SAMD7: variants seen among roughly 807,000 people sequenced by gnomAD.
The protein encoded by SAMD7 is sterile alpha motif domain containing 7.
Under a neutral mutation model 36.7 loss-of-function variants are expected in SAMD7, and 34 were observed. That is an observed-to-expected ratio of 0.93 (90% CI 0.71 to 1.23). The LOEUF is 1.23. Ranked by LOEUF, SAMD7 falls within the 50% of genes most tolerant of loss-of-function variation. The pLI is 0.00. For synonymous variants in SAMD7, 188 were observed against 189.7 expected (o/e 0.99, Z 0.07); for missense variants, 570 against 546.6 (o/e 1.04, Z -0.43).
chr3:169,927,027 C>G lies in SAMD7; in HGVS notation c.765C>G (p.Leu255=). Residue 255 remains leucine, a synonymous_variant, in exon 6 of 9, where the codon CTC becomes CTG. Coordinates refer to ENST00000335556, the MANE Select transcript of SAMD7 (RefSeq NM_001304366.2). ...CTCTTGCCAACACCTGTGGAGAGCT[C>G]GAGCCCACCCATAGGAAACCCTGGG... ...TTALANTCGE[L]EPTHRKPWGS... is the part of the protein sequence containing the mutation. The G allele has an allele frequency of 6.2e-7, 1 of 1,613,260 alleles. No homozygotes were observed.
At chr3:169,923,859 AG>A (rs1377467773) in intron 4 of SAMD7, among the ~76,000 whole-genome samples, 1 of 152,246 alleles carries the variant, frequency 6.6e-6, no homozygotes, top group Non-Finnish European at 1.5e-5. Flanking sequence ...TTTACAAAAC[AG>A]GGTTGTTAGG....
intron 4 of SAMD7, among the ~76,000 whole-genome samples, chr3:169,923,571 G>C (rs1189980286): frequency 6.6e-6 from 1 of 152,104 alleles, no homozygotes; most frequent in Non-Finnish European, 1.5e-5. Context: ...GTGAAACGCC[G>C]TCTCTACTAA....
chr3:169,927,052 G>C lies in SAMD7; in HGVS notation c.790G>C (p.Gly264Arg). ...ELEPTHRKPW[G>R]SHTTTLKAKA... ...CGAGCCCACCCATAGGAAACCCTGGGGGTCTCACACCACTACCCTGAAAGC... is the reference window on the plus strand; with the variant it reads ...CGAGCCCACCCATAGGAAACCCTGGCGGTCTCACACCACTACCCTGAAAGC... Residue 264 changes from glycine (G) to arginine (R), a missense_variant, in exon 6 of 9, where the codon GGG (glycine) becomes CGG (arginine). Physicochemically the swap from Gly to Arg is moderately radical, Grantham distance 125. Transcript: ENST00000335556. 6.2e-7 allele frequency: 1 copy of C among 1,612,636 alleles called. No individual in the cohort carries two copies.
Position 169,938,483 on chromosome 3 carries a change from G to T in SAMD7, c.1318G>T (p.Glu440Ter). Residue 440 changes from glutamate to a stop codon, truncating the protein, a stop_gained, in exon 9 of 9, where the codon GAG becomes TAG. Coordinates refer to ENST00000335556, the MANE Select transcript of SAMD7 (RefSeq NM_001304366.2). LOFTEE classifies it high-confidence loss of function. ...GGATACAATAATTCCTAAAGGAATT[G>T]AGCGAGGTAGTATGAGAAACTAAAA... ...PQDTIIPKGIERGSMRN is the reference protein window; with the variant it reads ...PQDTIIPKGI 6.2e-7 allele frequency: 1 copy of T among 1,610,192 alleles called. No homozygotes were observed. The highest frequency in any genetic ancestry group is 1.1e-5 in the South Asian group (1 of 90,488).
intron 3 of SAMD7, among the ~76,000 whole-genome samples, chr3:169,919,924 C>A (rs1047885680): frequency 1.3e-5 from 2 of 152,214 alleles, no homozygotes; most frequent in African/African-American, 4.8e-5. Flanking sequence ...CCTGTAATCC[C>A]AGCACTTTGG....
At chr3:169,915,788 G>A (rs1436455588) in intron 2 of SAMD7, among the ~76,000 whole-genome samples, 1 of 151,804 alleles carries the variant, frequency 6.6e-6, no homozygotes, top group Non-Finnish European at 1.5e-5. Flanking sequence ...ATGTTGGCCA[G>A]GCTGGTCTCG....
intron 4 of SAMD7, among the ~76,000 whole-genome samples, chr3:169,923,078 A>G (rs966132128): frequency 6.6e-6 from 1 of 152,158 alleles, no homozygotes; most frequent in Non-Finnish European, 1.5e-5. Context: ...TGTATCTTCT[A>G]TCCCCCCCAA....
At position 169,936,319 on chromosome 3, in the gene SAMD7, C is replaced by T. The variant is rs369230923; in HGVS notation, c.1042-20C>T. On this transcript the variant is annotated intron_variant, in intron 7 of 8. Coordinates refer to ENST00000335556, the MANE Select transcript of SAMD7 (RefSeq NM_001304366.2). ...AAAAAAGACATTCAGACAGAGTTAA[C>T]ACCTTTTGTATTTATGAAGGTATTT... 5.6e-6 allele frequency: 8 copies of T among 1,427,350 alleles called. No homozygotes were observed. The highest frequency in any genetic ancestry group is 7.9e-6 in the Non-Finnish European group (8 of 1,013,376). The allele number at this position is 1,427,350 out of a possible 1,614,324, so 88.4% of individuals were successfully genotyped here.
intron 7 of SAMD7, among the ~76,000 whole-genome samples, chr3:169,935,817 AG>A (rs1713695207): frequency 6.6e-6 from 1 of 152,222 alleles, no homozygotes; most frequent in Non-Finnish European, 1.5e-5. Context: ...CAGGACTAAC[AG>A]ACCTGCTGGA....
chr3:169,925,091 C>T lies in SAMD7; in HGVS notation c.245C>T (p.Ala82Val). The change falls in exon 5 of 9, where the codon GCA becomes GTA. Residue 82 changes from alanine (A) to valine (V), a missense_variant. Physicochemically the swap from Ala to Val is moderately conservative, Grantham distance 64. Coordinates refer to ENST00000335556, the MANE Select transcript of SAMD7 (RefSeq NM_001304366.2). ...WGILPPESIK[A>V]VARRNEMIQR... ...ATTTTACCACCTGAATCCATAAAGG[C>T]AGTGGCCAGAAGGAATGAAATGATT... 1 of 1,611,450 alleles carries T rather than the reference C, an allele frequency of 6.2e-7. No individual in the cohort carries two copies. The highest frequency in any genetic ancestry group is 8.5e-7 in the Non-Finnish European group (1 of 1,178,750).
chr3:169,923,652 G>T (rs1029406779), intron 4 of SAMD7, among the ~76,000 whole-genome samples: 1 of 152,208 alleles, frequency 6.6e-6, no homozygotes, highest in Non-Finnish European at 1.5e-5. Context: ...TGAGGCAGGA[G>T]AATCACTTGA....
rs543314973 is a variant in SAMD7 at position 169,921,036 on chromosome 3, C to T, written c.87-178C>T. On this transcript the variant is annotated intron_variant, in intron 3 of 8. Transcript: ENST00000335556. ...AATCCTTCGTTAGTGGAGTACTTCC[C>T]GATCTTTCCACCATATTTCTCCATA... Among the ~76,000 whole-genome samples, 5 of 152,262 alleles carry T rather than the reference C, an allele frequency of 3.3e-5. No homozygotes were observed. In the South Asian group the frequency reaches 8.3e-4, roughly 25 times the overall value.
At chr3:169,933,793 A>T (rs2108265703) in intron 7 of SAMD7, among the ~76,000 whole-genome samples, 1 of 152,316 alleles carries the variant, frequency 6.6e-6, no homozygotes, top group East Asian at 1.9e-4. Context: ...TGGCACTCAT[A>T]GTCCAGAAGA....
chr3:169,934,878 A>T (rs1713665652), intron 7 of SAMD7, among the ~76,000 whole-genome samples: 1 of 152,196 alleles, frequency 6.6e-6, no homozygotes, highest in Admixed American at 6.5e-5. Context: ...GGCAAAGGTG[A>T]CCTTGAAGGA....
chr3:169,938,248 T>C, intron 8 of SAMD7, 70 bp from the exon 9 acceptor site: 1 of 958,484 alleles, frequency 1.0e-6, no homozygotes. Flanking sequence ...CTCTCTGTGA[T>C]GTGTGTTTAA....
chr3:169,917,983 G>T (rs1712883535), intron 2 of SAMD7, among the ~76,000 whole-genome samples: 2 of 151,416 alleles, frequency 1.3e-5, no homozygotes, highest in South Asian at 2.1e-4. Context: ...TGTCACCCAG[G>T]CTGGGGTGCA....
rs549699062 is a variant in SAMD7 at position 169,927,147 on chromosome 3, G to A, written c.885G>A (p.Gly295=). Residue 295 remains glycine (G), a synonymous_variant, in exon 6 of 9, where the codon GGG becomes GGA. Transcript: ENST00000335556. Reference sequence around the variant, plus strand: ...TTGCAACCTGTGATGAAAAGAATGGGGTTTGCCCTCCAGTTCCTCGACCAT... The same window carrying A: ...TTGCAACCTGTGATGAAAAGAATGGAGTTTGCCCTCCAGTTCCTCGACCAT... ...QIFATCDEKN[G]VCPPVPRPSL... 2 of 1,549,106 alleles carry A rather than the reference G, an allele frequency of 1.3e-6. No individual in the cohort carries two copies. Among genetic ancestry groups the A allele is most frequent in the South Asian group, 1.3e-5 (1 of 79,308 alleles).
chr3:169,924,326 C>G (rs190098925), intron 4 of SAMD7, among the ~76,000 whole-genome samples: 1 of 151,920 alleles, frequency 6.6e-6, no homozygotes, highest in Non-Finnish European at 1.5e-5. Context: ...CAGTGGCTCA[C>G]GCCTGTAATC....
intron 7 of SAMD7, among the ~76,000 whole-genome samples, chr3:169,935,747 T>G (rs1713693004): frequency 6.6e-6 from 1 of 152,184 alleles, no homozygotes; most frequent in South Asian, 2.1e-4. Flanking sequence ...GGAATCTTTG[T>G]CCACCAGCAG....
Sources: gnomAD v4.1 joint callset for allele counts (sites outside exome capture counted in the v4.1 genomes callset) on GRCh38, gnomAD v4.1.1 for gene constraint, MANE v1.5 for transcripts, NCBI Gene and HGNC (gene_info 2026-07-23, HGNC 2026-07-21) for gene names.